Variants in CHM observed in about 807,000 individuals in gnomAD.
CHM encodes CHM Rab escort protein, also known as rab proteins geranylgeranyltransferase component A 1.
Under a neutral mutation model 49.0 loss-of-function variants are expected in CHM, and 10 were observed. The observed-to-expected ratio is 0.20, with a 90% CI of 0.13 to 0.35. CHM has a LOEUF of 0.35. CHM is among the 10% of genes least tolerant of loss of function. The pLI, the probability that CHM is intolerant of heterozygous loss-of-function variation, is 1.00. For missense variants in CHM, 455 were observed against 478.4 expected, an observed-to-expected ratio of 0.95 and a Z score of 0.46; for synonymous variants, 184 against 167.5, an observed-to-expected ratio of 1.10 and a Z score of -0.76.
intron 11 of CHM, among the ~76,000 whole-genome samples, chrX:85,900,000 G>A (rs1012045440): frequency 9.1e-6 from 1 of 110,441 alleles, no homozygotes; most frequent in Non-Finnish European, 1.9e-5. Context: ...ACGGAAAACA[G>A]TATGGAGGTT....
At chrX:85,975,830 A>C (rs1931224753) in intron 4 of CHM, among the ~76,000 whole-genome samples, 1 of 112,413 alleles carries the variant, frequency 8.9e-6, no homozygotes, top group Non-Finnish European at 1.9e-5. Flanking sequence ...GCAAAATGTA[A>C]CATTAGCATC....
intron 8 of CHM, among the ~76,000 whole-genome samples, chrX:85,950,885 G>A (rs1181004965): frequency 9.0e-6 from 1 of 111,569 alleles, no homozygotes; most frequent in Non-Finnish European, 1.9e-5. Context: ...GAGAAAAAAA[G>A]ATATCTTTGT....
rs1204463688 is a variant in CHM at position 85,961,418 on chromosome X, CAAAAAAAAAA to C, written c.702+2237_702+2246del. On this transcript the variant is annotated intron_variant, in intron 5 of 14. Coordinates refer to ENST00000357749, the MANE Select transcript of CHM (RefSeq NM_000390.4). ...CTGGCAACAGAGCAAGACTCTGTCTCAAAAAAAAAAAAAAAAAAAAAAAAGGAGGTAGGGC... is the reference window on the plus strand; with the variant it reads ...CTGGCAACAGAGCAAGACTCTGTCTCAAAAAAAAAAAAAAGGAGGTAGGGC... Among the ~76,000 whole-genome samples, 23 of 24,361 alleles carry C rather than the reference CAAAAAAAAAA, an allele frequency of 9.4e-4. No individual in the cohort carries two copies. The Admixed American group carries it at 0.01, about 11-fold the overall frequency. 21.2% of individuals were successfully genotyped at this position (24,361 alleles called of 115,157 possible).
intron 4 of CHM, among the ~76,000 whole-genome samples, chrX:85,976,391 G>A (rs1432848960): frequency 2.7e-5 from 3 of 111,570 alleles, no homozygotes; most frequent in Non-Finnish European, 5.6e-5. Flanking sequence ...GGGAGGCCGA[G>A]GCAGGTGGAT....
At chrX:85,944,514 C>G (rs1341775695) in intron 8 of CHM, among the ~76,000 whole-genome samples, 2 of 112,102 alleles carry the variant, frequency 1.8e-5, no homozygotes, top group African/African-American at 6.5e-5. Context: ...ATTCCTTTTC[C>G]ATTCCCTCCA....
intron 1 of CHM, among the ~76,000 whole-genome samples, chrX:86,042,921 A>G (rs979211981): frequency 9.9e-5 from 11 of 111,512 alleles, no homozygotes; most frequent in African/African-American, 3.6e-4. Context: ...CCATGACCCA[A>G]ACACATCCCA....
intron 1 of CHM, among the ~76,000 whole-genome samples, chrX:86,040,840 C>A (rs1381779705): frequency 8.9e-6 from 1 of 112,104 alleles, no homozygotes; most frequent in East Asian, 2.8e-4. Flanking sequence ...ATCAACCTTT[C>A]AATGTATCCC....
intron 12 of CHM, among the ~76,000 whole-genome samples, chrX:85,892,777 C>T (rs1014818316): frequency 5.4e-5 from 6 of 111,686 alleles, no homozygotes; most frequent in African/African-American, 2.0e-4. Flanking sequence ...TGCCTGACCA[C>T]ATGTTCCCAT....
chrX:86,007,330 C>T (rs1204325502), intron 2 of CHM, among the ~76,000 whole-genome samples: 2 of 111,761 alleles, frequency 1.8e-5, no homozygotes, highest in Non-Finnish European at 3.8e-5. Context: ...TAGGCAATAC[C>T]ATTCAAGACA....
At position 85,954,768 on chromosome X, in the gene CHM, T is replaced by G. The variant is rs994194077; in HGVS notation, c.1166+1385A>C. Among the ~76,000 whole-genome samples, 3 of 109,632 alleles carry G rather than the reference T, an allele frequency of 2.7e-5. No homozygotes were observed. In the Admixed American group the frequency reaches 2.9e-4, roughly 11 times the overall value. ...TTAGCCAGGTGTGGTGGCACGTGCC[T>G]GTAATCCCAGCTACTCAGGAGACTG... is the stretch of plus-strand genomic sequence containing the variant. On this transcript the variant is annotated intron_variant, in intron 8 of 14. Coordinates refer to ENST00000357749, the MANE Select transcript of CHM (RefSeq NM_000390.4).
rs1405255784 is a variant in CHM at position 86,000,274 on chromosome X, A to G, written c.117-18465T>C. Reference sequence around the variant, plus strand: ...CTAACTAAGTAAGTCTTCCTGAAAAAAAAAAAAAAAAAAGTAAATTTCACC... The same window carrying G: ...CTAACTAAGTAAGTCTTCCTGAAAAGAAAAAAAAAAAAAGTAAATTTCACC... On this transcript the variant is annotated intron_variant, in intron 2 of 14. Transcript: ENST00000357749. Among the ~76,000 whole-genome samples, 5 of 108,706 alleles carry G rather than the reference A, an allele frequency of 4.6e-5. No homozygotes were observed. In the East Asian group the frequency reaches 1.4e-3, roughly 31 times the overall value. 94.4% of individuals were successfully genotyped at this position (108,706 alleles called of 115,157 possible). A position where few individuals can be genotyped will look rare whatever the true frequency, so the allele number is the denominator to read the frequency against.
At chrX:85,944,971 T>G (rs181141196) in intron 8 of CHM, among the ~76,000 whole-genome samples, 3 of 111,943 alleles carry the variant, frequency 2.7e-5, no homozygotes, top group Non-Finnish European at 3.8e-5. Flanking sequence ...CGAGATCATG[T>G]CCTTTGCAGG....
At chrX:85,890,965 G>A (rs1056614120) in intron 12 of CHM, among the ~76,000 whole-genome samples, 1 of 111,477 alleles carries the variant, frequency 9.0e-6, no homozygotes, top group African/African-American at 3.3e-5. Flanking sequence ...GGTCTCAGAT[G>A]GAGCTGAGGA....
At chrX:85,896,941 T>C (rs1925885926) in intron 11 of CHM, among the ~76,000 whole-genome samples, 1 of 97,856 alleles carries the variant, frequency 1.0e-5, no homozygotes, top group Non-Finnish European at 2.0e-5. Context: ...ACGTAATACA[T>C]AATATATAAT....
At chrX:86,023,174 C>G (rs1933673238) in intron 2 of CHM, among the ~76,000 whole-genome samples, 1 of 111,568 alleles carries the variant, frequency 9.0e-6, no homozygotes, top group African/African-American at 3.3e-5. Context: ...CATTTAATTC[C>G]TCTGCTTAAG....
At chrX:85,868,664 A>T (rs1305741748) in intron 14 of CHM, among the ~76,000 whole-genome samples, 2 of 111,548 alleles carry the variant, frequency 1.8e-5, no homozygotes, top group Non-Finnish European at 3.8e-5. Flanking sequence ...TTTCAACTAG[A>T]CAACTACAAT....
At position 85,889,269 on chromosome X, in the gene CHM, GAACA is replaced by G. The variant is rs1277594341; in HGVS notation, c.1510+4915_1510+4918del. Among the ~76,000 whole-genome samples the G allele has an allele frequency of 4.5e-5, 5 of 111,835 alleles. No individual in the cohort carries two copies. The South Asian group carries it at 1.5e-3, about 33-fold the overall frequency. Reference sequence around the variant, plus strand: ...CAGCAAAAGAAATTATCAACAGAGTGAACAAACAAACTATAGAATGGGAGAGAAT... The same window carrying G: ...CAGCAAAAGAAATTATCAACAGAGTGAACAAACTATAGAATGGGAGAGAAT... On this transcript the variant is annotated intron_variant, in intron 12 of 14. Coordinates refer to ENST00000357749, the MANE Select transcript of CHM (RefSeq NM_000390.4).
intron 1 of CHM, among the ~76,000 whole-genome samples, chrX:86,043,404 T>C: frequency 9.2e-6 from 1 of 108,397 alleles, no homozygotes; most frequent in Middle Eastern, 4.7e-3. Context: ...TCTTTAGCAA[T>C]AAAACTTTTT....
chrX:86,017,414 C>G (rs1006258356), intron 2 of CHM, among the ~76,000 whole-genome samples: 1 of 109,511 alleles, frequency 9.1e-6, no homozygotes, highest in African/African-American at 3.3e-5. Flanking sequence ...TGGGAGGGAC[C>G]CAGTGGGAAA....
Sources: gnomAD v4.1 joint callset for allele counts (sites outside exome capture counted in the v4.1 genomes callset) on GRCh38, gnomAD v4.1.1 for gene constraint, MANE v1.5 for transcripts, NCBI Gene and HGNC (gene_info 2026-07-23, HGNC 2026-07-21) for gene names.